Variants in ZNF730 observed in about 807,000 individuals in gnomAD.
ZNF730 encodes zinc finger protein 730, also known as putative zinc finger protein 730.
In ZNF730, 12 loss-of-function variants were observed where a neutral mutation model predicts 12.6. The observed-to-expected ratio is 0.95, with a 90% CI of 0.61 to 1.54. The LOEUF (loss-of-function observed/expected upper bound fraction) is 1.54. Among genes scored for constraint, ZNF730 ranks in the 40% most tolerant of loss-of-function variants. The pLI, the probability that ZNF730 is intolerant of heterozygous loss-of-function variation, is 0.00. For missense variants in ZNF730, 643 were observed against 583.5 expected, an observed-to-expected ratio of 1.10 and a Z score of -1.05; for synonymous variants, 194 against 195.8, an observed-to-expected ratio of 0.99 and a Z score of 0.08.
At chr19:23,128,565 A>T (rs1970699979) in intron 1 of ZNF730, 2 of 225,590 alleles carry the variant, frequency 8.9e-6, no homozygotes, top group Admixed American at 8.7e-5. Flanking sequence ...TTCAATGAGG[A>T]TTTTTTAGAT....
At chr19:23,094,772 CCTAT>C (rs1199414379) in intron 1 of ZNF730, among the ~76,000 whole-genome samples, 1 of 152,038 alleles carries the variant, frequency 6.6e-6, no homozygotes, top group South Asian at 2.1e-4. Flanking sequence ...AGGAGCCCGG[CCTAT>C]CTATTTTTTT....
At chr19:23,084,712 A>T (rs950184036) in intron 1 of ZNF730, among the ~76,000 whole-genome samples, 3 of 152,100 alleles carry the variant, frequency 2.0e-5, no homozygotes, top group African/African-American at 7.2e-5. Context: ...AACATGCAGT[A>T]TTTGGTTTTC....
chr19:23,088,451 TTTTG>T (rs548445425), intron 1 of ZNF730, among the ~76,000 whole-genome samples: 8 of 152,160 alleles, frequency 5.3e-5, no homozygotes, highest in Admixed American at 2.6e-4. Flanking sequence ...AGAGGGGTTT[TTTTG>T]TTTGTTTGTT....
At chr19:23,127,345 A>T (rs569879777) in intron 1 of ZNF730, 1 of 699,518 alleles carries the variant, frequency 1.4e-6, no homozygotes, top group Non-Finnish European at 2.6e-6. Context: ...GTGCTGTCAC[A>T]TGACATAGGA....
chr19:23,136,164 C>A, intron 3 of ZNF730, 121 bp downstream of exon 3: 1 of 686,398 alleles, frequency 1.5e-6, no homozygotes, highest in South Asian at 4.4e-5. Flanking sequence ...GTTTCTGTTT[C>A]TTTTTATTTA....
In ZNF730 at chr19:23,145,652, G is replaced by A. The variant is rs763776693; in HGVS notation, c.608G>A (p.Cys203Tyr). ...KIHTGEKSYK[C>Y]EEYGKAFNES... ...CATACTGGAGAGAAATCCTACAAAT[G>A]TGAAGAATATGGCAAAGCCTTTAAT... Residue 203 changes from cysteine to tyrosine, a missense_variant, in exon 4 of 4, where the codon TGT becomes TAT. Cys to Tyr is a radical substitution (Grantham distance 194). Transcript: ENST00000597761. 2 of 1,555,034 alleles carry A rather than the reference G, an allele frequency of 1.3e-6. No individual in the cohort carries two copies. The highest frequency in any genetic ancestry group is 2.4e-5 in the South Asian group (2 of 83,648).
At chr19:23,130,198 C>T (rs572185385) in intron 1 of ZNF730, among the ~76,000 whole-genome samples, 1 of 152,150 alleles carries the variant, frequency 6.6e-6, no homozygotes, top group Non-Finnish European at 1.5e-5. Flanking sequence ...TGGGTCTTCC[C>T]TGCGCTGTTC....
chr19:23,135,775 T>C (rs548778849), intron 2 of ZNF730, among the ~76,000 whole-genome samples, 173 bp from the exon 3 acceptor site: 1 of 151,890 alleles, frequency 6.6e-6, no homozygotes, highest in East Asian at 1.9e-4. Context: ...CCTCCCAAAG[T>C]GCTGGTATTA....
chr19:23,096,983 T>G (rs1970262608), intron 1 of ZNF730, among the ~76,000 whole-genome samples: 2 of 152,226 alleles, frequency 1.3e-5, no homozygotes, highest in South Asian at 4.1e-4. Context: ...TTTTCCCGGT[T>G]CTGGCATATT....
intron 1 of ZNF730, among the ~76,000 whole-genome samples, chr19:23,106,850 CAG>C (rs933241357): frequency 2.1e-5 from 3 of 146,076 alleles, no homozygotes; most frequent in Non-Finnish European, 4.5e-5. Flanking sequence ...CTTTGAAAAA[CAG>C]TGTTTTGATT....
In ZNF730 at chr19:23,117,105, G is replaced by A; in HGVS notation, c.-69G>A. 6.2e-7 allele frequency: 1 copy of A among 1,611,440 alleles called. No homozygotes were observed. The highest frequency in any genetic ancestry group is 8.5e-7 in the Non-Finnish European group (1 of 1,177,976). ...CTCTGCACGTAGAAGCCCAGCCTGT[G>A]TGGCCCTGCGACCTGCGGGTATTGG... On this transcript the variant is annotated 5_prime_UTR_variant, in exon 1 of 4. In the 5' UTR this introduces an upstream ATG that the reference lacks. Transcript: ENST00000597761.
chr19:23,145,977 A>C lies in ZNF730; in HGVS notation c.933A>C (p.Pro311=), dbSNP rs910180410. 3 of 1,607,104 alleles carry C rather than the reference A, an allele frequency of 1.9e-6. No homozygotes were observed. The highest frequency in any genetic ancestry group is 8.5e-7 in the Non-Finnish European group (1 of 1,178,074). ...AGAAAATTCATACTAAAGAGCAACC[A>C]TACAAATGCGAAAAATGTGGCAAAG... ...EHKKIHTKEQ[P]YKCEKCGKAF... The change falls in exon 4 of 4, where the codon CCA becomes CCC. Residue 311 remains proline, a synonymous_variant. Transcript: ENST00000597761.
chr19:23,128,016 C>A, intron 1 of ZNF730: 10 of 750,108 alleles, frequency 1.3e-5, no homozygotes, highest in South Asian at 1.2e-4. Flanking sequence ...ATGGCATGGA[C>A]AAGATCTGTG....
intron 1 of ZNF730, among the ~76,000 whole-genome samples, chr19:23,117,782 C>G (rs1282679969): frequency 6.6e-6 from 1 of 152,132 alleles, no homozygotes. Context: ...TACAAATTTT[C>G]TGGTTATGTA....
intron 1 of ZNF730, among the ~76,000 whole-genome samples, chr19:23,109,555 C>T (rs1970437153): frequency 1.3e-5 from 2 of 151,112 alleles, no homozygotes; most frequent in Admixed American, 1.3e-4. Flanking sequence ...ATTACAGGCG[C>T]CACACCCAGC....
At chr19:23,081,405 C>T (rs1490189077) in intron 1 of ZNF730, among the ~76,000 whole-genome samples, 4 of 151,240 alleles carry the variant, frequency 2.6e-5, no homozygotes, top group African/African-American at 7.3e-5. Context: ...CTGCAACCTC[C>T]GCCTCCCGGG....
At chr19:23,093,130 C>T (rs1452330723) in intron 1 of ZNF730, among the ~76,000 whole-genome samples, 1 of 152,170 alleles carries the variant, frequency 6.6e-6, no homozygotes, top group Non-Finnish European at 1.5e-5. Context: ...GCACACGCCA[C>T]TAGGCCCAGC....
At chr19:23,092,494 CAGG>C (rs1289867880) in intron 1 of ZNF730, among the ~76,000 whole-genome samples, 2 of 152,158 alleles carry the variant, frequency 1.3e-5, no homozygotes, top group Non-Finnish European at 2.9e-5. Context: ...GAGGCTGAAA[CAGG>C]AGAATCACTT....
At chr19:23,102,324 G>A (rs776897778) in intron 1 of ZNF730, among the ~76,000 whole-genome samples, 1 of 152,046 alleles carries the variant, frequency 6.6e-6, no homozygotes, top group Non-Finnish European at 1.5e-5. Flanking sequence ...GAGTATTCAG[G>A]TGATGTGACA....
Sources: gnomAD v4.1 joint callset for allele counts (sites outside exome capture counted in the v4.1 genomes callset) on GRCh38, gnomAD v4.1.1 for gene constraint, MANE v1.5 for transcripts, NCBI Gene and HGNC (gene_info 2026-07-23, HGNC 2026-07-21) for gene names.